The following FHIT variants were observed in gnomAD, a reference collection of about 807,000 sequenced individuals.
The protein encoded by FHIT is bis(5'-adenosyl)-triphosphatase.
A neutral mutation model predicts 17.9 loss-of-function variants in FHIT; 19 were observed. That is an observed-to-expected ratio of 1.06 (90% CI 0.74 to 1.56). The LOEUF (loss-of-function observed/expected upper bound fraction) is 1.56, where lower values mean the gene tolerates loss of function less well. Ranked by LOEUF, FHIT falls within the 40% of genes most tolerant of loss-of-function variation. The pLI, the probability that FHIT is intolerant of heterozygous loss-of-function variation, is 0.00. For missense variants in FHIT, 248 were observed against 189.2 expected, an observed-to-expected ratio of 1.31 and a Z score of -1.82; for synonymous variants, 81 against 69.7, an observed-to-expected ratio of 1.16 and a Z score of -0.81.
At chr3:60,860,170 GTAT>G (rs1703598550) in intron 3 of FHIT, among the ~76,000 whole-genome samples, 3 of 81,362 alleles carry the variant, frequency 3.7e-5, no homozygotes, top group African/African-American at 6.4e-5. Context: ...TACATCATAT[GTAT>G]ATATGGTATA....
intron 5 of FHIT, among the ~76,000 whole-genome samples, chr3:60,503,735 GA>G (rs1294616994): frequency 3.3e-5 from 5 of 152,108 alleles, no homozygotes; most frequent in Non-Finnish European, 7.4e-5. Flanking sequence ...AGGATCAAAA[GA>G]AAGGGATATC....
At chr3:60,069,638 G>T (rs1275867478) in intron 5 of FHIT, among the ~76,000 whole-genome samples, 2 of 152,006 alleles carry the variant, frequency 1.3e-5, no homozygotes, top group African/African-American at 2.4e-5. Flanking sequence ...TGACATTTTG[G>T]GCACTGTGGC....
chr3:60,014,271 A>G, intron 5 of FHIT, 119 bp from the exon 6 acceptor site: 1 of 940,482 alleles, frequency 1.1e-6, no homozygotes, highest in Non-Finnish European at 1.6e-6. Context: ...AAGACTAAGG[A>G]ATGAAGAAAC....
chr3:60,352,550 A>G (rs959268211), intron 5 of FHIT, among the ~76,000 whole-genome samples: 3 of 152,120 alleles, frequency 2.0e-5, no homozygotes, highest in Non-Finnish European at 2.9e-5. Flanking sequence ...CATTCAGGCT[A>G]AAGTACAGTG....
At chr3:59,898,495 C>A (rs941884549) in intron 8 of FHIT, among the ~76,000 whole-genome samples, 1 of 150,084 alleles carries the variant, frequency 6.7e-6, no homozygotes, top group Non-Finnish European at 1.5e-5. Context: ...ACACTGCTTA[C>A]CAATGTTAAA....
At chr3:60,008,626 A>G (rs1700012875) in intron 7 of FHIT, among the ~76,000 whole-genome samples, 1 of 152,214 alleles carries the variant, frequency 6.6e-6, no homozygotes, top group African/African-American at 2.4e-5. Flanking sequence ...TTTAGAACCC[A>G]GGGATCAGGC....
At chr3:60,388,747 A>G (rs1425802712) in intron 5 of FHIT, among the ~76,000 whole-genome samples, 1 of 152,204 alleles carries the variant, frequency 6.6e-6, no homozygotes, top group Non-Finnish European at 1.5e-5. Context: ...AAGTAATCAC[A>G]CAGCTCTCTG....
intron 4 of FHIT, among the ~76,000 whole-genome samples, chr3:60,672,178 T>C (rs2040521747): frequency 6.6e-6 from 1 of 152,212 alleles, no homozygotes; most frequent in Admixed American, 6.5e-5. Context: ...CAGCATATTA[T>C]TGGGTTTTAT....
intron 5 of FHIT, among the ~76,000 whole-genome samples, chr3:60,433,335 G>C (rs1340606567): frequency 6.6e-6 from 1 of 151,902 alleles, no homozygotes; most frequent in Admixed American, 6.6e-5. Context: ...AGGACATTTA[G>C]GTTGTTTATG....
intron 5 of FHIT, among the ~76,000 whole-genome samples, chr3:60,391,637 C>T (rs1295337152): frequency 1.3e-5 from 2 of 152,148 alleles, no homozygotes; most frequent in Non-Finnish European, 2.9e-5. Flanking sequence ...TGTGTTACAG[C>T]TGCATATAAT....
At chr3:60,920,700 G>A (rs1289452633) in intron 3 of FHIT, among the ~76,000 whole-genome samples, 14 of 152,080 alleles carry the variant, frequency 9.2e-5, no homozygotes, top group African/African-American at 3.1e-4. Context: ...GGCGTGGGGA[G>A]AACTGCAGCT....
chr3:60,474,766 G>A (rs1366176149), intron 5 of FHIT, among the ~76,000 whole-genome samples: 2 of 151,976 alleles, frequency 1.3e-5, no homozygotes, highest in Non-Finnish European at 2.9e-5. Context: ...TGGGATTACA[G>A]GCGCCTGCCA....
In FHIT at chr3:60,950,643, A is replaced by G. The variant is rs1350141337; in HGVS notation, c.-111+91404T>C. Among the ~76,000 whole-genome samples the G allele has an allele frequency of 2.0e-5, 3 of 151,820 alleles. No homozygotes were observed. In the East Asian group the frequency reaches 5.8e-4, roughly 29 times the overall value. ...GTGATTCTCCTGCCTCAGTCTCCCA[A>G]GTAGCTGGGATTACAGGCACGCACC... is the stretch of plus-strand genomic sequence containing the variant. On this transcript the variant is annotated intron_variant, in intron 3 of 9. Coordinates refer to ENST00000492590, the MANE Select transcript of FHIT (RefSeq NM_002012.4).
At position 60,156,714 on chromosome 3, in the gene FHIT, T is replaced by C. The variant is rs563422809; in HGVS notation, c.104-142562A>G. On this transcript the variant is annotated intron_variant, in intron 5 of 9. Coordinates refer to ENST00000492590, the MANE Select transcript of FHIT (RefSeq NM_002012.4). ...CTGCAGTGAGCCATGATTGCACCAC[T>C]GACTTTCACCTGGGCAATGGAGTGA... Among the ~76,000 whole-genome samples, 24 of 152,314 alleles carry C rather than the reference T, an allele frequency of 1.6e-4. 1 individual carries two copies. The highest frequency in any genetic ancestry group is 1.4e-3 in the South Asian group (7 of 4,830).
At chr3:60,443,282 T>C (rs1559917876) in intron 5 of FHIT, among the ~76,000 whole-genome samples, 1 of 152,212 alleles carries the variant, frequency 6.6e-6, no homozygotes, top group Non-Finnish European at 1.5e-5. Flanking sequence ...TCCTGCTGAT[T>C]GCCCTGGCCA....
intron 3 of FHIT, among the ~76,000 whole-genome samples, chr3:60,933,727 C>T (rs1553772410): frequency 6.6e-6 from 1 of 152,210 alleles, no homozygotes; most frequent in East Asian, 1.9e-4. Context: ...GTCTCTGGAA[C>T]ACTTTTTGGC....
At chr3:60,241,587 T>C (rs1705132350) in intron 5 of FHIT, among the ~76,000 whole-genome samples, 2 of 152,100 alleles carry the variant, frequency 1.3e-5, no homozygotes, top group Non-Finnish European at 2.9e-5. Context: ...AAGCAACAGA[T>C]TGCAGGTGGG....
intron 8 of FHIT, among the ~76,000 whole-genome samples, chr3:59,877,473 G>T (rs942824025): frequency 6.6e-6 from 1 of 152,140 alleles, no homozygotes; most frequent in African/African-American, 2.4e-5. Flanking sequence ...AAGCAGGAAG[G>T]CCCAGAGCAG....
intron 4 of FHIT, among the ~76,000 whole-genome samples, chr3:60,571,434 T>C (rs1458635726): frequency 1.3e-5 from 2 of 149,676 alleles, no homozygotes; most frequent in African/African-American, 4.9e-5. Context: ...AAAAGATTAA[T>C]TAATATCAAT....
Sources: gnomAD v4.1 joint callset for allele counts (sites outside exome capture counted in the v4.1 genomes callset) on GRCh38, gnomAD v4.1.1 for gene constraint, MANE v1.5 for transcripts, NCBI Gene and HGNC (gene_info 2026-07-23, HGNC 2026-07-21) for gene names.